Variants in KRT26 observed in about 807,000 individuals in gnomAD.
KRT26 encodes the protein keratin 26.
A neutral mutation model predicts 46.1 loss-of-function variants in KRT26; 45 were observed. The observed-to-expected ratio is 0.98, with a 90% CI of 0.77 to 1.25. The LOEUF is 1.25. Ranked by LOEUF, KRT26 falls within the 50% of genes most tolerant of loss-of-function variation. The pLI is 0.00. For synonymous variants in KRT26, 191 were observed against 209.9 expected (o/e 0.91, Z 0.78); for missense variants, 582 against 560.1 (o/e 1.04, Z -0.39).
chr17:40,769,695 T>C, intron 5 of KRT26, 59 bp downstream of exon 5: 1 of 1,551,086 alleles, frequency 6.4e-7, no homozygotes, highest in Non-Finnish European at 8.9e-7. Flanking sequence ...TATTTTTATA[T>C]CTGTATTGAC....
intron 6 of KRT26, 102 bp downstream of exon 6, chr17:40,768,777 C>A: frequency 1.6e-6 from 1 of 618,602 alleles, no homozygotes. Flanking sequence ...TATGTATGAT[C>A]TCCAGAGTAG....
At chr17:40,768,315 T>TA (rs2038187297) in intron 6 of KRT26, among the ~76,000 whole-genome samples, 1 of 152,198 alleles carries the variant, frequency 6.6e-6, no homozygotes, top group African/African-American at 2.4e-5. Context: ...TAAGACTTGT[T>TA]ACAAGTATGG....
rs750422271 is a variant in KRT26 at position 40,769,812 on chromosome 17, G to A, written c.911C>T (p.Thr304Ile). The A allele has an allele frequency of 3.7e-6, 6 of 1,614,002 alleles. No homozygotes were observed. In the African/African-American group the frequency reaches 8.0e-5, roughly 22 times the overall value. Reference sequence around the variant, plus strand: ...GGTTTGCAGATTGCGTTTTAATTCGGTCAGCTCATTTCTGGCTGCTGTGGC... The same window carrying A: ...GGTTTGCAGATTGCGTTTTAATTCGATCAGCTCATTTCTGGCTGCTGTGGC... Residue 304 changes from threonine to isoleucine, a missense_variant, in exon 5 of 8, where the codon ACC (threonine) becomes ATC (isoleucine). Thr to Ile is a moderately conservative substitution (Grantham distance 89, BLOSUM62 -1). Transcript: ENST00000335552.
Position 40,770,446 on chromosome 17 carries a change from T to C in KRT26, c.525-37A>G, listed in dbSNP as rs747063783. ...GTAAGGCACCTGAGAGTTGTCATCG[T>C]AGGCAGGTGCAAAGCACAACTTTTT... On this transcript the variant is annotated intron_variant, in intron 2 of 7. Transcript: ENST00000335552. 166 of 1,536,582 alleles carry C rather than the reference T, an allele frequency of 1.1e-4. 2 individuals are homozygous for C. The Admixed American group carries it at 3.4e-3, about 32-fold the overall frequency.
Position 40,770,426 on chromosome 17 carries a change from GCAC to G in KRT26, c.525-20_525-18del. The G allele has an allele frequency of 6.4e-7, 1 of 1,566,552 alleles. No homozygotes were observed. The highest frequency in any genetic ancestry group is 8.6e-7 in the Non-Finnish European group (1 of 1,159,272). Reference sequence around the variant, plus strand: ...TTTTCATACCTGAAAGATTAGTAAGGCACCTGAGAGTTGTCATCGTAGGCAGGT... The same window carrying G: ...TTTTCATACCTGAAAGATTAGTAAGGCTGAGAGTTGTCATCGTAGGCAGGT... On this transcript the variant is annotated intron_variant, in intron 2 of 7. Transcript: ENST00000335552.
At chr17:40,767,644 T>C in exon 7 of KRT26, 1 of 1,606,206 alleles carries the variant, frequency 6.2e-7, no homozygotes, top group Non-Finnish European at 8.5e-7. Flanking sequence ...AACATGTGGA[T>C]TTGCTTTTTC....
intron 6 of KRT26, 116 bp from the exon 7 acceptor site, chr17:40,767,769 C>T (rs2038183240): frequency 5.2e-6 from 3 of 572,056 alleles, no homozygotes; most frequent in South Asian, 5.7e-5. Context: ...ATTCAAATTC[C>T]TTATATATTT....
intron 6 of KRT26, among the ~76,000 whole-genome samples, chr17:40,768,474 A>T (rs752769324): frequency 2.6e-5 from 4 of 152,240 alleles, no homozygotes; most frequent in Non-Finnish European, 4.4e-5. Context: ...TGCCTCTCCA[A>T]TTAATTCTTC....
intron 2 of KRT26, among the ~76,000 whole-genome samples, chr17:40,770,777 C>T (rs1404324189): frequency 7.9e-5 from 12 of 152,180 alleles, no homozygotes; most frequent in East Asian, 5.8e-4. Flanking sequence ...CTCCACCTTC[C>T]GGGTTCAAGT....
At chr17:40,771,351 T>C in intron 1 of KRT26, 115 bp from the exon 2 acceptor site, 1 of 628,458 alleles carries the variant, frequency 1.6e-6, no homozygotes, top group Non-Finnish European at 2.8e-6. Flanking sequence ...GTATCTTTTT[T>C]CTATGTTAAA....
exon 8 of KRT26, chr17:40,766,440 T>C: frequency 7.7e-7 from 1 of 1,295,552 alleles, no homozygotes. Context: ...GTAGGATTTT[T>C]GCAAAGGCAG....
At chr17:40,772,077 A>G in exon 1 of KRT26, 1 of 1,614,222 alleles carries the variant, frequency 6.2e-7, no homozygotes, top group Non-Finnish European at 8.5e-7. Context: ...GTTCGCGAGC[A>G]GATCCTCCTG....
exon 1 of KRT26, chr17:40,771,808 A>G (rs1567675344): frequency 1.9e-6 from 3 of 1,614,174 alleles, no homozygotes; most frequent in Non-Finnish European, 2.5e-6. Flanking sequence ...CCTCTAGAGC[A>G]TGCACATGGT....
intron 6 of KRT26, among the ~76,000 whole-genome samples, chr17:40,768,353 G>A (rs941280093): frequency 6.6e-6 from 1 of 152,194 alleles, no homozygotes; most frequent in South Asian, 2.1e-4. Context: ...TTTCATCAAC[G>A]AGGAAACTGC....
exon 5 of KRT26, chr17:40,769,853 G>C (rs141060077): frequency 1.2e-6 from 2 of 1,614,136 alleles, no homozygotes; most frequent in Non-Finnish European, 1.7e-6. Flanking sequence ...CCTCATGATC[G>C]GAAATCTGTT....
intron 1 of KRT26, 109 bp from the exon 2 acceptor site, chr17:40,771,345 C>A: frequency 4.7e-6 from 3 of 634,532 alleles, no homozygotes; most frequent in Admixed American, 3.1e-5. Flanking sequence ...GTTTTAGTAT[C>A]TTTTTTCTAT....
intron 2 of KRT26, 22 bp from the exon 3 acceptor site, chr17:40,770,431 T>C: frequency 3.2e-6 from 5 of 1,560,054 alleles, no homozygotes; most frequent in Non-Finnish European, 4.3e-6. Flanking sequence ...GTAAGGCACC[T>C]GAGAGTTGTC....
At chr17:40,771,582 T>A in intron 1 of KRT26, 91 bp downstream of exon 1, 2 of 1,174,838 alleles carry the variant, frequency 1.7e-6, no homozygotes, top group Non-Finnish European at 2.4e-6. Context: ...TTACATCACA[T>A]AAATTTGTTA....
rs1425764859 is a variant in KRT26 at position 40,770,252 on chromosome 17, C to T, written c.681+1G>A. On this transcript the variant is annotated splice_donor_variant, in intron 3 of 7. Coordinates refer to ENST00000335552, the Ensembl canonical transcript of KRT26. LOFTEE classifies it high-confidence loss of function. ...TGAAGCCACTCTGCAGGCTTCCTTA[C>T]CTCCTCATGACTTTTTTTGAGGTAG... 1 of 1,614,186 alleles carries T rather than the reference C, an allele frequency of 6.2e-7. No individual in the cohort carries two copies. The highest frequency in any genetic ancestry group is 2.2e-5 in the East Asian group (1 of 44,884).
Sources: allele counts gnomAD v4.1 joint callset (sites outside exome capture counted in the v4.1 genomes callset), GRCh38; gene constraint gnomAD v4.1.1; transcripts MANE v1.5; gene names NCBI Gene and HGNC (gene_info 2026-07-23, HGNC 2026-07-21).